SEMA3F: variants seen among roughly 807,000 people sequenced by gnomAD.
SEMA3F encodes the protein semaphorin-3F.
SEMA3F carries 30 observed loss-of-function variants against 98.5 expected under a neutral mutation model. That is an observed-to-expected ratio of 0.30 (90% CI 0.23 to 0.41). The LOEUF is 0.41. SEMA3F is among the 10% of genes least tolerant of loss of function. The probability of loss-of-function intolerance (pLI) is 1.00; values close to 1 mark genes in which losing one functional copy is unlikely to be tolerated. For missense variants in SEMA3F, 866 were observed against 1,119.3 expected (o/e 0.77, Z 3.23); for synonymous variants, 380 against 444.8 (o/e 0.85, Z 1.83).
chr3:50,182,985 G>A lies in SEMA3F; in HGVS notation c.985G>A (p.Glu329Lys), dbSNP rs746790207. Residue 329 changes from glutamate (E) to lysine (K), a missense_variant, in exon 10 of 19, where the codon GAG becomes AAG. By Grantham distance (56) the Glu-to-Lys change is moderately conservative. Coordinates refer to ENST00000002829, the MANE Select transcript of SEMA3F (RefSeq NM_004186.5). The surrounding 1 kb of genome is among the most constrained non-coding windows in gnomAD (Gnocchi z 4.5). Reference protein sequence around the residue: ...KARLVCSVPGEDGIETHFDEL... With the variant: ...KARLVCSVPGKDGIETHFDEL... The stretch of plus-strand genomic sequence containing the variant: ...GCGGCTCGTCTGCTCTGTCCCGGGC[G>A]AGGATGGCATTGAGACTCACTTTGA... 9 of 1,613,814 alleles carry A rather than the reference G, an allele frequency of 5.6e-6. No individual in the cohort carries two copies. The Admixed American group carries it at 6.7e-5, about 12-fold the overall frequency.
intron 18 of SEMA3F, 68 bp downstream of exon 18, chr3:50,186,814 G>A: frequency 1.4e-6 from 2 of 1,422,284 alleles, no homozygotes; most frequent in Non-Finnish European, 1.9e-6. Flanking sequence ...TGTAGTAGAG[G>A]AGTGATCTGG....
chr3:50,164,075 G>A (rs1001506369), intron 2 of SEMA3F, among the ~76,000 whole-genome samples: 4 of 152,242 alleles, frequency 2.6e-5, no homozygotes, highest in African/African-American at 9.6e-5. Context: ...CCTTGTGCTT[G>A]CTGGAGAACC....
At chr3:50,181,544 G>C (rs554850490) in intron 7 of SEMA3F, among the ~76,000 whole-genome samples, 1 of 151,732 alleles carries the variant, frequency 6.6e-6, no homozygotes, top group African/African-American at 2.4e-5. Context: ...GGATGGTCTC[G>C]ATCTCTTGAC....
At position 50,186,411 on chromosome 3, in the gene SEMA3F, A is replaced by T. The variant is rs7643715; in HGVS notation, c.1813+63A>T. ...ACTGCAGAAGTCCACGCAGCCCACG[A>T]AGCTGCTCACAGGGCCCCCACTGTA... On this transcript the variant is annotated intron_variant, in intron 17 of 18. Transcript: ENST00000002829. The T allele has an allele frequency of 7.7e-3, 11,827 of 1,544,940 alleles. 719 individuals are homozygous for T. The African/African-American group carries it at 0.14, about 18-fold the overall frequency.
chr3:50,161,865 A>T (rs534817683), intron 2 of SEMA3F, among the ~76,000 whole-genome samples: 1 of 152,196 alleles, frequency 6.6e-6, no homozygotes, highest in African/African-American at 2.4e-5. Flanking sequence ...CTGGTTATGC[A>T]CACATGAAGT....
rs767418673 is a variant in SEMA3F at position 50,186,574 on chromosome 3, A to G, written c.1814-39A>G. 5.1e-6 allele frequency: 8 copies of G among 1,571,432 alleles called. No homozygotes were observed. The Admixed American group carries it at 1.2e-4, about 24-fold the overall frequency. Reference sequence around the variant, plus strand: ...CCGAAGCAGTCAGCAGGCTGCCCGGAGGTGATGCTGCTTTTGCTCAACCCC... The same window carrying G: ...CCGAAGCAGTCAGCAGGCTGCCCGGGGGTGATGCTGCTTTTGCTCAACCCC... On this transcript the variant is annotated intron_variant, in intron 17 of 18. Transcript: ENST00000002829.
At position 50,187,854 on chromosome 3, in the gene SEMA3F, G is replaced by T; in HGVS notation, c.2097G>T (p.Arg699=). ...VTRVQLHVLG[R]DAVHAALFPP... is the part of the protein sequence containing the mutation. ...GAGTGCAGCTGCATGTACTGGGCCGGGACGCCGTCCATGCTGCCCTCTTCC... is the reference window on the plus strand; with the variant it reads ...GAGTGCAGCTGCATGTACTGGGCCGTGACGCCGTCCATGCTGCCCTCTTCC... The change falls in exon 19 of 19, where the codon CGG becomes CGT. Residue 699 remains arginine (R), a synonymous_variant. Transcript: ENST00000002829. 3 of 1,613,314 alleles carry T rather than the reference G, an allele frequency of 1.9e-6. No homozygotes were observed. The highest frequency in any genetic ancestry group is 2.5e-6 in the Non-Finnish European group (3 of 1,179,958).
At chr3:50,165,464 GGCTGCAATA>G (rs542002459) in intron 2 of SEMA3F, among the ~76,000 whole-genome samples, 1 of 152,328 alleles carries the variant, frequency 6.6e-6, no homozygotes, top group Admixed American at 6.5e-5. Context: ...ACGCACAGTT[GGCTGCAATA>G]ACTCCTTCTG....
intron 7 of SEMA3F, among the ~76,000 whole-genome samples, chr3:50,178,241 C>CA (rs1296736218): frequency 3.3e-5 from 5 of 149,254 alleles, no homozygotes; most frequent in Non-Finnish European, 7.4e-5. Context: ...GACTCCATTT[C>CA]AAAAAAAAAG....
chr3:50,161,198 G>A (rs1054291021), intron 2 of SEMA3F, among the ~76,000 whole-genome samples: 1 of 152,150 alleles, frequency 6.6e-6, no homozygotes, highest in Non-Finnish European at 1.5e-5. Context: ...CCTTGCGTCC[G>A]CTCTGGGTGT....
rs756763223 is a variant in SEMA3F at position 50,186,323 on chromosome 3, G to T, written c.1788G>T (p.Arg596Ser). 2 of 1,613,844 alleles carry T rather than the reference G, an allele frequency of 1.2e-6. No individual in the cohort carries two copies. The highest frequency in any genetic ancestry group is 8.5e-7 in the Non-Finnish European group (1 of 1,179,976). Residue 596 changes from arginine to serine, a missense_variant, in exon 17 of 19, where the codon AGG (arginine) becomes AGT (serine). Physicochemically the swap from Arg to Ser is moderately radical, Grantham distance 110. Coordinates refer to ENST00000002829, the MANE Select transcript of SEMA3F (RefSeq NM_004186.5). ...ACGTCCGGCACGGAAACCCCATCAGGCAGTGCCGTGGGTTCAACTCCAATG... is the reference window on the plus strand; with the variant it reads ...ACGTCCGGCACGGAAACCCCATCAGTCAGTGCCGTGGGTTCAACTCCAATG... ...RQDVRHGNPI[R>S]QCRGFNSNAN...
At chr3:50,165,940 C>T (rs1004041679) in intron 2 of SEMA3F, among the ~76,000 whole-genome samples, 5 of 152,110 alleles carry the variant, frequency 3.3e-5, no homozygotes, top group African/African-American at 9.7e-5. Flanking sequence ...TGGGGCTCAT[C>T]GGGCTGACGG....
intron 12 of SEMA3F, 155 bp downstream of exon 12, chr3:50,183,719 G>A: frequency 1.3e-6 from 1 of 779,994 alleles, no homozygotes; most frequent in Non-Finnish European, 2.0e-6. Flanking sequence ...CACACACAGT[G>A]TCAAGCTGTG....
intron 6 of SEMA3F, 26 bp from the exon 7 acceptor site, chr3:50,176,742 A>T: frequency 6.4e-7 from 1 of 1,554,978 alleles, no homozygotes; most frequent in Non-Finnish European, 8.9e-7. Context: ...GGCCTGGACG[A>T]TGCTGAGCCC....
intron 16 of SEMA3F, 83 bp from the exon 17 acceptor site, chr3:50,186,198 C>T (rs1699204525): frequency 3.3e-6 from 5 of 1,509,006 alleles, no homozygotes; most frequent in Non-Finnish European, 4.5e-6. Flanking sequence ...GGAAAAAGGG[C>T]CCTGCCCTGG....
At chr3:50,165,940 C>G (rs1004041679) in intron 2 of SEMA3F, among the ~76,000 whole-genome samples, 1 of 152,228 alleles carries the variant, frequency 6.6e-6, no homozygotes, top group Non-Finnish European at 1.5e-5. Flanking sequence ...TGGGGCTCAT[C>G]GGGCTGACGG....
rs559806364 is a variant in SEMA3F at position 50,161,197 on chromosome 3, C to T, written c.112+1463C>T. Reference sequence around the variant, plus strand: ...CTCCACACCCCTGGGACCTTGCGTCCGCTCTGGGTGTTGTTTTTGTCATCA... The same window carrying T: ...CTCCACACCCCTGGGACCTTGCGTCTGCTCTGGGTGTTGTTTTTGTCATCA... On this transcript the variant is annotated intron_variant, in intron 2 of 18. Coordinates refer to ENST00000002829, the MANE Select transcript of SEMA3F (RefSeq NM_004186.5). Among the ~76,000 whole-genome samples the T allele has an allele frequency of 9.1e-4, 138 of 152,234 alleles. 1 individual carries two copies. Among genetic ancestry groups the T allele is most frequent in the Non-Finnish European group, 8.4e-4 (57 of 68,018 alleles).
intron 13 of SEMA3F, among the ~76,000 whole-genome samples, 182 bp downstream of exon 13, chr3:50,184,996 C>G (rs1227215990): frequency 6.6e-6 from 1 of 152,172 alleles, no homozygotes; most frequent in East Asian, 1.9e-4. Context: ...GTGAGAAAAC[C>G]CCATTCCCAC....
chr3:50,165,669 T>C (rs895450069), intron 2 of SEMA3F, among the ~76,000 whole-genome samples: 2 of 152,230 alleles, frequency 1.3e-5, no homozygotes, highest in Non-Finnish European at 2.9e-5. Flanking sequence ...TCCTGCTGCA[T>C]TTTTCTTAGA....
Sources: allele counts gnomAD v4.1 joint callset (sites outside exome capture counted in the v4.1 genomes callset), GRCh38; gene constraint gnomAD v4.1.1; non-coding constraint Gnocchi (gnomAD v3.1); transcripts MANE v1.5; gene names NCBI Gene and HGNC (gene_info 2026-07-23, HGNC 2026-07-21).